Variants in DENND1B observed in about 807,000 individuals in gnomAD.
The protein encoded by DENND1B is DENN domain-containing protein 1B.
A neutral mutation model predicts 90.1 loss-of-function variants in DENND1B; 59 were observed. That is an observed-to-expected ratio of 0.65 (90% CI 0.53 to 0.81). The LOEUF (loss-of-function observed/expected upper bound fraction) is 0.81, where lower values mean the gene tolerates loss of function less well. Ranked by LOEUF, DENND1B falls within the 40% of genes least tolerant of loss-of-function variation. The pLI is 0.00. For synonymous variants in DENND1B, 337 were observed against 324.6 expected (o/e 1.04, Z -0.41); for missense variants, 862 against 912.6 (o/e 0.94, Z 0.71).
intron 14 of DENND1B, among the ~76,000 whole-genome samples, chr1:197,584,839 C>G (rs958218428): frequency 6.6e-6 from 1 of 151,814 alleles, no homozygotes; most frequent in Non-Finnish European, 1.5e-5. Flanking sequence ...GCCCGGCTAA[C>G]ATTTTGTATT....
At chr1:197,566,295 GA>G (rs1429704854) in intron 15 of DENND1B, among the ~76,000 whole-genome samples, 1 of 152,088 alleles carries the variant, frequency 6.6e-6, no homozygotes, top group Non-Finnish European at 1.5e-5. Flanking sequence ...CTTCTTTTGA[GA>G]AGTGTCTGTT....
At chr1:197,523,398 A>G (rs563349019) in intron 20 of DENND1B, among the ~76,000 whole-genome samples, 2 of 152,246 alleles carry the variant, frequency 1.3e-5, no homozygotes, top group African/African-American at 4.8e-5. Context: ...CTCTGCCATG[A>G]AAAGAAAGTG....
chr1:197,747,321 G>C, intron 2 of DENND1B: 2 of 586,240 alleles, frequency 3.4e-6, no homozygotes, highest in South Asian at 3.3e-5. Context: ...TATGATTTCT[G>C]TTTTTCTGAT....
At chr1:197,585,754 A>G (rs774832235) in intron 14 of DENND1B, among the ~76,000 whole-genome samples, 4 of 152,218 alleles carry the variant, frequency 2.6e-5, no homozygotes, top group Non-Finnish European at 5.9e-5. Context: ...TTTATTAATA[A>G]TGCTTTAAAG....
At chr1:197,556,374 A>T (rs1433028064) in intron 15 of DENND1B, among the ~76,000 whole-genome samples, 1 of 152,044 alleles carries the variant, frequency 6.6e-6, no homozygotes, top group Admixed American at 6.6e-5. Flanking sequence ...AATGGAAACA[A>T]CTATTAATGG....
At chr1:197,651,801 G>A (rs1325332548) in intron 7 of DENND1B, among the ~76,000 whole-genome samples, 6 of 151,360 alleles carry the variant, frequency 4.0e-5, no homozygotes, top group African/African-American at 9.7e-5. Context: ...GACTACAGGC[G>A]CCTGCCACCA....
intron 20 of DENND1B, among the ~76,000 whole-genome samples, chr1:197,529,242 A>ATATATATGTG (rs1553277550): frequency 5.5e-4 from 6 of 10,862 alleles, no homozygotes; most frequent in African/African-American, 8.4e-4. Flanking sequence ...ATATATATAT[A>ATATATATGTG]TGTGTGTGTG....
At chr1:197,658,193 T>C in intron 6 of DENND1B, 107 bp downstream of exon 6, 1 of 871,692 alleles carries the variant, frequency 1.1e-6, no homozygotes, top group Non-Finnish European at 1.9e-6. Flanking sequence ...AGATCAACAT[T>C]AATGTACTTA....
At chr1:197,742,301 A>G (rs556729496) in intron 2 of DENND1B, among the ~76,000 whole-genome samples, 1 of 152,324 alleles carries the variant, frequency 6.6e-6, no homozygotes, top group South Asian at 2.1e-4. Flanking sequence ...CAGAATTTTT[A>G]TACTTTAGTC....
chr1:197,554,371 A>C (rs952403199), intron 15 of DENND1B, among the ~76,000 whole-genome samples: 3 of 151,922 alleles, frequency 2.0e-5, no homozygotes, highest in Non-Finnish European at 4.4e-5. Flanking sequence ...AAACTAACTA[A>C]TCCTGACCAT....
At chr1:197,591,914 T>C (rs1421786393) in intron 14 of DENND1B, among the ~76,000 whole-genome samples, 1 of 151,688 alleles carries the variant, frequency 6.6e-6, no homozygotes, top group Non-Finnish European at 1.5e-5. Flanking sequence ...ATCAAGACCA[T>C]CCTGGCTAAC....
chr1:197,655,469 GA>G (rs1230600992), intron 6 of DENND1B, among the ~76,000 whole-genome samples: 2 of 151,714 alleles, frequency 1.3e-5, no homozygotes, highest in African/African-American at 4.8e-5. Context: ...GGAGAGTCAG[GA>G]AAAGTCTCTA....
chr1:197,607,858 T>A (rs1399958405), intron 12 of DENND1B, among the ~76,000 whole-genome samples: 1 of 150,734 alleles, frequency 6.6e-6, no homozygotes, highest in Non-Finnish European at 1.5e-5. Flanking sequence ...TAAATAAGAA[T>A]TTTATCATAG....
At position 197,747,278 on chromosome 1, in the gene DENND1B, C is replaced by A. The variant is rs1184957915; in HGVS notation, c.82+25590G>T. 6.5e-6 allele frequency: 4 copies of A among 617,040 alleles called. No individual in the cohort carries two copies. In the East Asian group the frequency reaches 1.3e-4, roughly 21 times the overall value. 38.2% of individuals were successfully genotyped at this position (617,040 alleles called of 1,614,324 possible). ...TCTTCATAGGCATTTACATTCGACT[C>A]TGTTTCAGTTTTGGGTTCATCTATC... is the stretch of plus-strand genomic sequence containing the variant. On this transcript the variant is annotated intron_variant, in intron 2 of 22. Transcript: ENST00000620048.
At chr1:197,551,742 T>C (rs926132561) in intron 16 of DENND1B, among the ~76,000 whole-genome samples, 1 of 152,142 alleles carries the variant, frequency 6.6e-6, no homozygotes, top group Non-Finnish European at 1.5e-5. Flanking sequence ...AAATACCGAA[T>C]AGATGCCTTA....
intron 2 of DENND1B, chr1:197,735,542 T>C (rs1287518014): frequency 3.1e-6 from 5 of 1,613,294 alleles, no homozygotes; most frequent in Non-Finnish European, 4.2e-6. Flanking sequence ...AACATTCCAT[T>C]TACAAAGTGT....
intron 10 of DENND1B, among the ~76,000 whole-genome samples, chr1:197,622,569 T>C (rs896144306): frequency 8.6e-5 from 13 of 151,480 alleles, no homozygotes; most frequent in African/African-American, 2.7e-4. Flanking sequence ...ACAAGAGCCA[T>C]TGACCTTTGT....
intron 16 of DENND1B, among the ~76,000 whole-genome samples, chr1:197,550,403 A>G (rs113134384): frequency 7.2e-5 from 11 of 152,294 alleles, no homozygotes; most frequent in African/African-American, 2.4e-4. Flanking sequence ...AATACTCAAT[A>G]AAAATGAGGT....
intron 20 of DENND1B, among the ~76,000 whole-genome samples, chr1:197,524,758 G>A (rs1669021286): frequency 6.6e-6 from 1 of 152,080 alleles, no homozygotes; most frequent in Admixed American, 6.6e-5. Flanking sequence ...GTGTTGAACT[G>A]AATTAGACAG....
Sources: gnomAD v4.1 joint callset for allele counts (sites outside exome capture counted in the v4.1 genomes callset) on GRCh38, gnomAD v4.1.1 for gene constraint, MANE v1.5 for transcripts, NCBI Gene and HGNC (gene_info 2026-07-23, HGNC 2026-07-21) for gene names.